LZTR1: variants seen among roughly 807,000 people sequenced by gnomAD.
LZTR1 encodes the protein leucine-zipper-like transcriptional regulator 1.
LZTR1 carries 260 observed loss-of-function variants against 105.7 expected under a neutral mutation model. The ratio of observed to expected loss-of-function variants is 2.46; its 90% CI spans 2.22 to 2.72. The LOEUF (loss-of-function observed/expected upper bound fraction) is 2.72, where lower values mean the gene tolerates loss of function less well. LZTR1 is among the 30% of genes most tolerant of loss of function. The pLI is 0.00. For synonymous variants in LZTR1, 490 were observed against 476.4 expected (o/e 1.03, Z -0.37); for missense variants, 1,214 against 1,166.9 (o/e 1.04, Z -0.59).
In LZTR1 at chr22:20,988,123, G is replaced by C. The variant is rs745873109; in HGVS notation, c.509+5G>C. On this transcript the variant is annotated splice_donor_5th_base_variant and intron_variant, in intron 5 of 20. Transcript: ENST00000646124. The stretch of plus-strand genomic sequence containing the variant: ...GGAGTGGAAAATTGAAGGACGGTGA[G>C]AAACTTTGCAGAAACATTTGGGACA... The C allele has an allele frequency of 6.3e-7, 1 of 1,588,420 alleles. No homozygotes were observed. The highest frequency in any genetic ancestry group is 8.6e-7 in the Non-Finnish European group (1 of 1,156,832).
In LZTR1 at chr22:20,993,731, G is replaced by A. The variant is rs775051211; in HGVS notation, c.1330G>A (p.Asp444Asn). 19 of 1,613,312 alleles carry A rather than the reference G, an allele frequency of 1.2e-5. No homozygotes were observed. The highest frequency in any genetic ancestry group is 1.4e-5 in the Non-Finnish European group (16 of 1,179,938). ...GCTGTGGGAGAGCCGCCAGTTCTGCGACGTGGAGTTCGTGCTGGGTGAGGT... is the reference window on the plus strand; with the variant it reads ...GCTGTGGGAGAGCCGCCAGTTCTGCAACGTGGAGTTCGTGCTGGGTGAGGT... ...GRLWESRQFC[D>N]VEFVLGEKEE... The change falls in exon 12 of 21, where the codon GAC becomes AAC. Residue 444 changes from aspartate to asparagine, a missense_variant. By Grantham distance (23) the Asp-to-Asn change is conservative. Transcript: ENST00000646124.
Position 20,990,357 on chromosome 22 carries a change from C to T in LZTR1, c.652-29C>T, listed in dbSNP as rs374401023. 128 of 1,613,534 alleles carry T rather than the reference C, an allele frequency of 7.9e-5. 2 individuals are homozygous for T. The South Asian group carries it at 1.1e-3, about 14-fold the overall frequency. On this transcript the variant is annotated intron_variant, in intron 7 of 20. Coordinates refer to ENST00000646124, the MANE Select transcript of LZTR1 (RefSeq NM_006767.4). The stretch of plus-strand genomic sequence containing the variant: ...GAAATGTGAGCGGGCCCTGTGAGGC[C>T]GGGGCTGAGCTGTCCTCTCCCCCTG...
chr22:20,995,842 C>G lies in LZTR1; in HGVS notation c.2039C>G (p.Ala680Gly). The part of the protein sequence containing the change: ...TLLLDGHPRP[A>G]HKAILAARSS... ...TTGCTTGACGGGCACCCACGGCCAG[C>G]CCACAAGGCTATCCTGGCCGCCCGC... Residue 680 changes from alanine (A) to glycine (G), a missense_variant, in exon 17 of 21, where the codon GCC becomes GGC. Ala to Gly is a moderately conservative substitution (Grantham distance 60, BLOSUM62 0). Transcript: ENST00000646124. 6.2e-7 allele frequency: 1 copy of G among 1,613,190 alleles called. No individual in the cohort carries two copies.
In LZTR1 at chr22:20,997,037, C is replaced by A. The variant is rs758215069; in HGVS notation, c.2406+71C>A. On this transcript the variant is annotated intron_variant, in intron 20 of 20. Coordinates refer to ENST00000646124, the MANE Select transcript of LZTR1 (RefSeq NM_006767.4). ...TGGCCATGCCCAGGCAGGGAGGGTG[C>A]CCAGGCTCTGTGGTCCCCTGCAGTG... The A allele has an allele frequency of 3.3e-6, 5 of 1,527,992 alleles. No homozygotes were observed. In the South Asian group the frequency reaches 4.5e-5, roughly 14 times the overall value. 94.7% of individuals were successfully genotyped at this position (1,527,992 alleles called of 1,614,324 possible).
chr22:20,991,721 C>T lies in LZTR1; in HGVS notation c.885C>T (p.His295=). 2 of 1,586,552 alleles carry T rather than the reference C, an allele frequency of 1.3e-6. No individual in the cohort carries two copies. Among genetic ancestry groups the T allele is most frequent in the South Asian group, 1.1e-5 (1 of 87,240 alleles). The stretch of plus-strand genomic sequence containing the variant: ...ATACCATGGTGGCCTTTGACCGCCA[C>T]CTCTATGTGTTTGGGGGTGCGGCCG... ...YGHTMVAFDR[H]LYVFGGAADN... is the part of the protein sequence containing the mutation. The change falls in exon 9 of 21, where the codon CAC becomes CAT. Residue 295 remains histidine, a synonymous_variant. Transcript: ENST00000646124.
At chr22:20,987,633 A>G in intron 4 of LZTR1, 50 bp downstream of exon 4, 2 of 1,519,906 alleles carry the variant, frequency 1.3e-6, no homozygotes, top group Non-Finnish European at 1.8e-6. Context: ...AGGCCCACAG[A>G]CACCCTGCCC....
chr22:20,987,407 A>AAAAG, intron 3 of LZTR1, 97 bp from the exon 4 acceptor site: 1 of 692,070 alleles, frequency 1.4e-6, no homozygotes, highest in Non-Finnish European at 2.6e-6. Context: ...AAAAAAAGAA[A>AAAAG]AAAGAAAGGC....
At position 20,988,979 on chromosome 22, in the gene LZTR1, T is replaced by C. The variant is rs575389759; in HGVS notation, c.593+107T>C. 3 of 993,980 alleles carry C rather than the reference T, an allele frequency of 3.0e-6. No individual in the cohort carries two copies. In the African/African-American group the frequency reaches 4.7e-5, roughly 16 times the overall value. The allele number at this position is 993,980 out of a possible 1,614,324, so 61.6% of individuals were successfully genotyped here. A position where few individuals can be genotyped will look rare whatever the true frequency, so the allele number is the denominator to read the frequency against. On this transcript the variant is annotated intron_variant, in intron 6 of 20. Transcript: ENST00000646124. ...GGCTGGGAGGATTTTGAGTGCCTGG[T>C]GGATTTTGAGTGCCACTCTGTCTGG...
rs139368531 is a variant in LZTR1, at chr22:20,994,665, G to A, written c.1723G>A (p.Asp575Asn). The change falls in exon 15 of 21, where the codon GAC becomes AAC. Residue 575 changes from aspartate to asparagine, a missense_variant. By Grantham distance (23) the Asp-to-Asn change is conservative. Coordinates refer to ENST00000646124, the MANE Select transcript of LZTR1 (RefSeq NM_006767.4). ...CCGCCAGTACATCGAGGCCTCCGTG[G>A]ACCTGCAGAACGTGCTGGTTGTGTG... ...LCRQYIEASVDLQNVLVVCES... is the reference protein window; with the variant it reads ...LCRQYIEASVNLQNVLVVCES... 5.8e-4 allele frequency: 931 copies of A among 1,613,096 alleles called. No homozygotes were observed. The highest frequency in any genetic ancestry group is 5.8e-4 in the Non-Finnish European group (681 of 1,180,000).
At chr22:20,982,898 G>C (rs1377562818) in intron 1 of LZTR1, 129 bp from the exon 2 acceptor site, 2 of 746,240 alleles carry the variant, frequency 2.7e-6, no homozygotes. Context: ...TGTTATCTTA[G>C]AAGATGATGG....
chr22:20,987,969 C>T lies in LZTR1; in HGVS notation c.401-41C>T, dbSNP rs767009633. ...CTTCCAGGGTTTGAAATCTCCAAGA[C>T]TGCCCTTTGGGTTTGACAGTTTCTC... is the stretch of plus-strand genomic sequence containing the variant. On this transcript the variant is annotated intron_variant, in intron 4 of 20. Transcript: ENST00000646124. The T allele has an allele frequency of 2.5e-6, 3 of 1,211,238 alleles. No individual in the cohort carries two copies. The South Asian group carries it at 3.8e-5, about 15-fold the overall frequency. The allele number at this position is 1,211,238 out of a possible 1,614,324, so 75.0% of individuals were successfully genotyped here.
chr22:20,991,686 C>A lies in LZTR1; in HGVS notation c.850C>A (p.Arg284Ser). 6.2e-7 allele frequency: 1 copy of A among 1,603,800 alleles called. No homozygotes were observed. The highest frequency in any genetic ancestry group is 8.5e-7 in the Non-Finnish European group (1 of 1,176,908). Residue 284 changes from arginine to serine, a missense_variant, in exon 9 of 21, where the codon CGC becomes AGC. Physicochemically the swap from Arg to Ser is moderately radical, Grantham distance 110. Coordinates refer to ENST00000646124, the MANE Select transcript of LZTR1 (RefSeq NM_006767.4). The part of the protein sequence containing the change: ...LRGSPPPPQR[R>S]YGHTMVAFDR... ...GGGCTCCCCACCACCCCCGCAGCGG[C>A]GCTACGGGCATACCATGGTGGCCTT...
intron 10 of LZTR1, chr22:20,992,580 C>T (rs1322801926): frequency 1.5e-6 from 1 of 647,646 alleles, no homozygotes; most frequent in South Asian, 1.9e-5. Context: ...GCCCTGACCA[C>T]TCTGAGGGTC....
chr22:20,996,499 A>G (rs1157445763), intron 18 of LZTR1, 197 bp from the exon 19 acceptor site: 12 of 607,754 alleles, frequency 2.0e-5, no homozygotes, highest in Non-Finnish European at 3.2e-5. Context: ...ATGTACAGAC[A>G]CTATTTTTCT....
At chr22:20,986,838 G>A (rs1462169695) in intron 3 of LZTR1, 1 of 152,250 alleles carries the variant, frequency 6.6e-6, no homozygotes, top group Admixed American at 6.5e-5. Context: ...GGATGGTCCT[G>A]GAGTAGCATG....
rs1924827524 is a variant in LZTR1 at position 20,995,975 on chromosome 22, C to T, written c.2082C>T (p.Ala694=). The T allele has an allele frequency of 6.2e-7, 1 of 1,613,792 alleles. No homozygotes were observed. Among genetic ancestry groups the T allele is most frequent in the Non-Finnish European group, 8.5e-7 (1 of 1,180,028 alleles). Residue 694 remains alanine, a synonymous_variant, in exon 18 of 21, where the codon GCC becomes GCT. Transcript: ENST00000646124. ...TCGTTGTCTGCAGCTACTTTGAAGC[C>T]ATGTTCCGGTCCTTCATGCCCGAAG... The part of the protein sequence containing the change: ...ILAARSSYFE[A]MFRSFMPEDG...
At position 20,994,663 on chromosome 22, in the gene LZTR1, T is replaced by C. The variant is rs540861183; in HGVS notation, c.1721T>C (p.Val574Ala). The change falls in exon 15 of 21, where the codon GTG (valine) becomes GCG (alanine). Residue 574 changes from valine to alanine, a missense_variant. Transcript: ENST00000646124. ...QLCRQYIEAS[V>A]DLQNVLVVCE... Reference sequence around the variant, plus strand: ...TGCCGCCAGTACATCGAGGCCTCCGTGGACCTGCAGAACGTGCTGGTTGTG... The same window carrying C: ...TGCCGCCAGTACATCGAGGCCTCCGCGGACCTGCAGAACGTGCTGGTTGTG... The C allele has an allele frequency of 2.5e-6, 4 of 1,613,110 alleles. No individual in the cohort carries two copies. The highest frequency in any genetic ancestry group is 1.3e-5 in the African/African-American group (1 of 75,046).
Position 20,994,936 on chromosome 22 carries a change from G to A in LZTR1, c.1852G>A (p.Glu618Lys), listed in dbSNP as rs766345180. The A allele has an allele frequency of 1.4e-5, 23 of 1,613,258 alleles. No homozygotes were observed. The African/African-American group carries it at 1.6e-4, about 11-fold the overall frequency. Residue 618 changes from glutamate to lysine, a missense_variant, in exon 16 of 21, where the codon GAG becomes AAG. Coordinates refer to ENST00000646124, the MANE Select transcript of LZTR1 (RefSeq NM_006767.4). ...FNQVIMMKEF[E>K]RLSSPLIVEI... ...CCAGGTGATCATGATGAAGGAGTTC[G>A]AGCGCCTCTCCTCTCCACTGATAGT...
rs769272237 is a variant in LZTR1, at chr22:20,995,894, G to C, written c.2069+22G>C. 2.0e-5 allele frequency: 33 copies of C among 1,612,906 alleles called. No individual in the cohort carries two copies. The South Asian group carries it at 3.3e-4, about 16-fold the overall frequency. ...CCAGGTGGGTGGGGGCTGGACAGGAGGGGAGGGTGGGCCTGGATGGTGTCT... is the reference window on the plus strand; with the variant it reads ...CCAGGTGGGTGGGGGCTGGACAGGACGGGAGGGTGGGCCTGGATGGTGTCT... On this transcript the variant is annotated intron_variant, in intron 17 of 20. Coordinates refer to ENST00000646124, the MANE Select transcript of LZTR1 (RefSeq NM_006767.4).
Sources: gnomAD v4.1 joint callset for allele counts on GRCh38, gnomAD v4.1.1 for gene constraint, MANE v1.5 for transcripts, NCBI Gene and HGNC (gene_info 2026-07-23, HGNC 2026-07-21) for gene names.